MLLT3: variants seen among roughly 807,000 people sequenced by gnomAD.
The protein encoded by MLLT3 is protein AF-9.
A neutral mutation model predicts 53.2 loss-of-function variants in MLLT3; 4 were observed. The observed-to-expected ratio is 0.08, with a 90% CI of 0.04 to 0.17. The LOEUF is 0.17. Among genes scored for constraint, MLLT3 ranks in the 10% least tolerant of loss-of-function variants. The pLI is 1.00. For synonymous variants in MLLT3, 283 were observed against 230.6 expected (o/e 1.23, Z -2.06); for missense variants, 569 against 684.0 (o/e 0.83, Z 1.87).
intron 2 of MLLT3, among the ~76,000 whole-genome samples, chr9:20,609,379 C>A (rs138117624): frequency 9.1e-4 from 138 of 152,158 alleles, no homozygotes; most frequent in Non-Finnish European, 3.7e-4. Context: ...TCAAAAATTT[C>A]ATATACTTTC....
Position 20,342,675 on chromosome 9 carries a change from A to T in MLLT3, c.*3768T>A. ...CCTACATAATAAAAAGCATCATATA[A>T]AACAAAAGAGGTCAAAAGATGTAGA... On this transcript the variant is annotated 3_prime_UTR_variant, in exon 11 of 11. Coordinates refer to ENST00000380338, the MANE Select transcript of MLLT3 (RefSeq NM_004529.4). The T allele has an allele frequency of 4.7e-6, 1 of 214,768 alleles. No homozygotes were observed. Among genetic ancestry groups the T allele is most frequent in the South Asian group, 1.9e-4 (1 of 5,340 alleles). The allele number at this position is 214,768 out of a possible 1,614,324, so 13.3% of individuals were successfully genotyped here. A position where few individuals can be genotyped will look rare whatever the true frequency, so the allele number is the denominator to read the frequency against.
Position 20,537,776 on chromosome 9 carries a change from T to A in MLLT3, c.194-80990A>T, listed in dbSNP as rs192300976. On this transcript the variant is annotated intron_variant, in intron 2 of 10. Transcript: ENST00000380338. ...ATCCTGCAGATGATTTATTGCCCTA[T>A]GAAAATAAAGTCTAAGTTGCAAAAT... 4.0e-3 allele frequency among the ~76,000 whole-genome samples: 606 copies of A among 152,308 alleles called. 2 individuals carry two copies. The highest frequency in any genetic ancestry group is 0.014 in the African/African-American group (576 of 41,576).
In MLLT3 at chr9:20,504,956, C is replaced by T. The variant is rs138681153; in HGVS notation, c.194-48170G>A. Among the ~76,000 whole-genome samples the T allele has an allele frequency of 6.9e-4, 104 of 151,626 alleles. No individual in the cohort carries two copies. The East Asian group carries it at 0.016, about 23-fold the overall frequency. On this transcript the variant is annotated intron_variant, in intron 2 of 10. Coordinates refer to ENST00000380338, the MANE Select transcript of MLLT3 (RefSeq NM_004529.4). ...GTCCACAATGAGAAAAATGGTTTGA[C>T]GGAAAGGAGCCCAAAAGTAGGAAAA...
At chr9:20,538,735 A>C (rs1210859261) in intron 2 of MLLT3, among the ~76,000 whole-genome samples, 1 of 152,228 alleles carries the variant, frequency 6.6e-6, no homozygotes, top group Non-Finnish European at 1.5e-5. Context: ...TTAGTCCCTT[A>C]AAAACATAAA....
At position 20,345,359 on chromosome 9, in the gene MLLT3, A is replaced by C. The variant is rs1193509256; in HGVS notation, c.*1084T>G. On this transcript the variant is annotated 3_prime_UTR_variant, in exon 11 of 11. Transcript: ENST00000380338. ...GAGAATCATATGTGAACAAACAAAA[A>C]TCTCTGATTCCAGATTTTTAGGATA... is the stretch of plus-strand genomic sequence containing the variant. 1 of 211,982 alleles carries C rather than the reference A, an allele frequency of 4.7e-6. No individual in the cohort carries two copies. Among genetic ancestry groups the C allele is most frequent in the East Asian group, 7.1e-5 (1 of 14,096 alleles). The allele number at this position is 211,982 out of a possible 1,614,324, so 13.1% of individuals were successfully genotyped here.
At chr9:20,450,414 G>A (rs751065833) in intron 3 of MLLT3, among the ~76,000 whole-genome samples, 19 of 152,218 alleles carry the variant, frequency 1.2e-4, no homozygotes, top group Non-Finnish European at 2.5e-4. Flanking sequence ...GCCTTTAATG[G>A]TTCATCATTT....
At chr9:20,584,234 A>C (rs1819887400) in intron 2 of MLLT3, among the ~76,000 whole-genome samples, 1 of 151,170 alleles carries the variant, frequency 6.6e-6, no homozygotes, top group Non-Finnish European at 1.5e-5. Context: ...TCCATCTGAG[A>C]CCACCTCAGC....
chr9:20,346,758 T>G (rs1411351502), intron 10 of MLLT3, among the ~76,000 whole-genome samples, 184 bp from the exon 11 acceptor site: 1 of 152,182 alleles, frequency 6.6e-6, no homozygotes, highest in Non-Finnish European at 1.5e-5. Context: ...AAAGGTATAT[T>G]AAGCCTTAGA....
At chr9:20,373,937 T>A (rs1380468103) in intron 5 of MLLT3, among the ~76,000 whole-genome samples, 1 of 142,758 alleles carries the variant, frequency 7.0e-6, no homozygotes, top group Non-Finnish European at 1.5e-5. Flanking sequence ...TGGTCCTTCT[T>A]TCATTAAAAA....
chr9:20,341,796 C>A lies in MLLT3; in HGVS notation c.*4647G>T. 5.0e-6 allele frequency: 1 copy of A among 200,532 alleles called. No homozygotes were observed. Among genetic ancestry groups the A allele is most frequent in the Non-Finnish European group, 1.0e-5 (1 of 97,488 alleles). The allele number at this position is 200,532 out of a possible 1,614,324, so 12.4% of individuals were successfully genotyped here. Reference sequence around the variant, plus strand: ...ACTTTGTAAGATCGACTCTCTCTGGCTATAGCACATTGTTTCTGAACAAAA... The same window carrying A: ...ACTTTGTAAGATCGACTCTCTCTGGATATAGCACATTGTTTCTGAACAAAA... On this transcript the variant is annotated 3_prime_UTR_variant, in exon 11 of 11. Transcript: ENST00000380338.
intron 2 of MLLT3, among the ~76,000 whole-genome samples, chr9:20,583,325 T>A (rs1221603523): frequency 2.0e-5 from 3 of 152,150 alleles, no homozygotes; most frequent in African/African-American, 7.2e-5. Flanking sequence ...TTTCATGGGC[T>A]AGTGTTAAGT....
intron 2 of MLLT3, among the ~76,000 whole-genome samples, chr9:20,533,921 C>G (rs183700599): frequency 6.6e-6 from 1 of 152,232 alleles, no homozygotes; most frequent in East Asian, 1.9e-4. Context: ...AGTCAAAGGG[C>G]ACAAAGTTTC....
intron 4 of MLLT3, among the ~76,000 whole-genome samples, chr9:20,444,789 T>C (rs1371254230): frequency 6.6e-6 from 1 of 152,114 alleles, no homozygotes; most frequent in African/African-American, 2.4e-5. Context: ...GGAGGATCAC[T>C]TGAGCCCAGG....
At chr9:20,459,239 C>G (rs1385892358) in intron 2 of MLLT3, among the ~76,000 whole-genome samples, 1 of 152,152 alleles carries the variant, frequency 6.6e-6, no homozygotes, top group Non-Finnish European at 1.5e-5. Flanking sequence ...CCCAAACTGA[C>G]ATCCGAAGAA....
chr9:20,582,448 T>C (rs1819817966), intron 2 of MLLT3, among the ~76,000 whole-genome samples: 1 of 152,210 alleles, frequency 6.6e-6, no homozygotes, highest in South Asian at 2.1e-4. Context: ...ATTGTTTTCA[T>C]AGTTTTACCT....
intron 2 of MLLT3, among the ~76,000 whole-genome samples, chr9:20,532,390 A>C (rs1818365781): frequency 6.6e-6 from 1 of 152,212 alleles, no homozygotes; most frequent in Non-Finnish European, 1.5e-5. Flanking sequence ...ATAGTAAAAG[A>C]CACCAAAATG....
intron 10 of MLLT3, among the ~76,000 whole-genome samples, chr9:20,350,837 T>C (rs1204571452): frequency 6.6e-6 from 1 of 152,214 alleles, no homozygotes; most frequent in Non-Finnish European, 1.5e-5. Context: ...TTTTTAATTA[T>C]AAAAAGGTAA....
chr9:20,358,503 T>C (rs1315271490), intron 8 of MLLT3, among the ~76,000 whole-genome samples: 4 of 152,240 alleles, frequency 2.6e-5, no homozygotes, highest in Admixed American at 6.5e-5. Flanking sequence ...CCTCTCCAGA[T>C]AGACGATACT....
intron 2 of MLLT3, among the ~76,000 whole-genome samples, chr9:20,540,670 T>C (rs765101814): frequency 2.6e-5 from 4 of 152,246 alleles, no homozygotes; most frequent in Non-Finnish European, 4.4e-5. Context: ...GAAACCATTT[T>C]TCCCTCCTAG....
Sources: gnomAD v4.1 joint callset for allele counts (sites outside exome capture counted in the v4.1 genomes callset) on GRCh38, gnomAD v4.1.1 for gene constraint, MANE v1.5 for transcripts, NCBI Gene and HGNC (gene_info 2026-07-23, HGNC 2026-07-21) for gene names.